The following CDKL5 variants were observed in gnomAD, a reference collection of about 807,000 sequenced individuals.
The protein encoded by CDKL5 is cyclin-dependent kinase-like 5.
A neutral mutation model predicts 61.7 loss-of-function variants in CDKL5; 8 were observed. The observed-to-expected ratio is 0.13, with a 90% CI of 0.08 to 0.23. The LOEUF is 0.23. CDKL5 is among the 10% of genes least tolerant of loss of function. The pLI, the probability that CDKL5 is intolerant of heterozygous loss-of-function variation, is 1.00. For synonymous variants in CDKL5, 275 were observed against 272.3 expected (o/e 1.01, Z -0.10); for missense variants, 440 against 734.5 (o/e 0.60, Z 4.63).
At position 18,647,296 on chromosome X, in the gene CDKL5, C is replaced by A. The variant is rs104894933; in HGVS notation, c.2797+1206C>A. 1.7e-6 allele frequency: 2 copies of A among 1,208,964 alleles called. No homozygotes were observed. On this transcript the variant is annotated intron_variant, in intron 20 of 21. Transcript: ENST00000379989. ...GGTGATCTGGTCCGGTGTGACCTCC[C>A]CTGACTCGAAACCCAGAGGCTTGTG...
At chrX:18,493,467 G>A (rs1405085890) in intron 1 of CDKL5, among the ~76,000 whole-genome samples, 1 of 112,184 alleles carries the variant, frequency 8.9e-6, no homozygotes, top group East Asian at 2.8e-4. Flanking sequence ...TTTGCTCTTG[G>A]CCAGTCTTTG....
chrX:18,431,161 C>T (rs73191516), intron 1 of CDKL5, among the ~76,000 whole-genome samples: 2,720 of 111,252 alleles, frequency 0.024, 36 homozygotes, highest in Non-Finnish European at 0.042. Flanking sequence ...CCGCACCTGG[C>T]GGTGATTTTT....
intron 1 of CDKL5, among the ~76,000 whole-genome samples, chrX:18,474,323 A>G (rs912119437): frequency 3.6e-5 from 4 of 111,535 alleles, no homozygotes; most frequent in Non-Finnish European, 7.5e-5. Flanking sequence ...AGGGTATGGT[A>G]TGTGTTGATT....
intron 4 of CDKL5, among the ~76,000 whole-genome samples, chrX:18,565,883 A>G (rs971424714): frequency 3.6e-5 from 4 of 112,138 alleles, no homozygotes; most frequent in Non-Finnish European, 5.6e-5. Context: ...GTGGTCTAGC[A>G]GGAAGCAGTA....
rs1318786633 is a variant in CDKL5, at chrX:18,460,099, C to G, written c.-163+34404C>G. On this transcript the variant is annotated intron_variant, in intron 1 of 17. Transcript: ENST00000623535. ...TATTTTTAGTAGAGATGGGGCTTCACCATGTTGGCCAGGATGGTCTCGATC... is the reference window on the plus strand; with the variant it reads ...TATTTTTAGTAGAGATGGGGCTTCAGCATGTTGGCCAGGATGGTCTCGATC... Among the ~76,000 whole-genome samples the G allele has an allele frequency of 5.4e-5, 6 of 110,788 alleles. No individual in the cohort carries two copies. The East Asian group carries it at 1.7e-3, about 32-fold the overall frequency.
rs1187909538 is a variant in CDKL5 at position 18,611,397 on chromosome X, T to C, written c.2153-1755T>C. On this transcript the variant is annotated intron_variant, in intron 14 of 17. Coordinates refer to ENST00000623535, the MANE Select transcript of CDKL5 (RefSeq NM_001323289.2). ...TTGCAGTGAGCCAAAACCGCGCCAC[T>C]GCACCCCAGCCTAGGCGACAGAGCA... Among the ~76,000 whole-genome samples the C allele has an allele frequency of 2.9e-5, 3 of 102,318 alleles. No homozygotes were observed. The East Asian group carries it at 9.1e-4, about 31-fold the overall frequency. The allele number at this position is 102,318 out of a possible 115,157, so 88.9% of individuals were successfully genotyped here. A position where few individuals can be genotyped will look rare whatever the true frequency, so the allele number is the denominator to read the frequency against.
intron 15 of CDKL5, among the ~76,000 whole-genome samples, chrX:18,619,200 G>A (rs1440755448): frequency 6.1e-4 from 55 of 90,201 alleles, no homozygotes; most frequent in Non-Finnish European, 1.0e-3. Context: ...TTGCCGTGTT[G>A]CCCACACTGG....
intron 1 of CDKL5, among the ~76,000 whole-genome samples, chrX:18,494,123 C>A (rs994143631): frequency 1.8e-5 from 2 of 112,353 alleles, no homozygotes; most frequent in Admixed American, 1.9e-4. Context: ...GCCATGTTGC[C>A]CAGGCTGGTC....
intron 1 of CDKL5, among the ~76,000 whole-genome samples, chrX:18,478,979 G>A (rs1420188619): frequency 3.6e-5 from 4 of 111,269 alleles, no homozygotes; most frequent in Non-Finnish European, 7.5e-5. Flanking sequence ...GCCTCCCAAA[G>A]TGCTGGTATT....
intron 10 of CDKL5, among the ~76,000 whole-genome samples, chrX:18,597,367 A>T (rs1926029967): frequency 9.1e-6 from 1 of 109,993 alleles, no homozygotes; most frequent in Non-Finnish European, 1.9e-5. Flanking sequence ...TGGCCATCTC[A>T]TCCTGTCAGC....
chrX:18,504,272 G>GT lies in CDKL5; in HGVS notation c.-162-2655dup, dbSNP rs780784507. Among the ~76,000 whole-genome samples the GT allele has an allele frequency of 3.9e-3, 430 of 109,520 alleles. 2 individuals are homozygous for GT. The Middle Eastern group carries it at 0.057, about 14-fold the overall frequency. On this transcript the variant is annotated intron_variant, in intron 1 of 17. Transcript: ENST00000623535. ...GGCTAGGTTTTTTTTGTTTTTGTTT[G>GT]TTTTTTTTGTTTTTGTAGAGACTGG...
intron 2 of CDKL5, among the ~76,000 whole-genome samples, chrX:18,509,236 CACACACA>C (rs1922730818): frequency 1.9e-5 from 2 of 107,594 alleles, no homozygotes; most frequent in South Asian, 4.1e-4. Context: ...CACACACACA[CACACACA>C]CACCCCTGTC....
chrX:18,507,058 C>T lies in CDKL5; in HGVS notation c.-39C>T. ...GCTTTCTGAGAAGTTCTTTTGGTGC[C>T]ATGTTTTGTGGCTTGCATCAAAAGA... is the stretch of plus-strand genomic sequence containing the variant. On this transcript the variant is annotated 5_prime_UTR_variant, in exon 2 of 18. Transcript: ENST00000623535. 9.8e-7 allele frequency: 1 copy of T among 1,020,222 alleles called. No individual in the cohort carries two copies. Among genetic ancestry groups the T allele is most frequent in the Non-Finnish European group, 1.4e-6 (1 of 721,328 alleles). The allele number at this position is 1,020,222 out of a possible 1,213,427, so 84.1% of individuals were successfully genotyped here.
chrX:18,490,753 T>C (rs767341763), intron 1 of CDKL5, among the ~76,000 whole-genome samples: 2 of 112,161 alleles, frequency 1.8e-5, no homozygotes, highest in African/African-American at 6.5e-5. Flanking sequence ...TTGCTTGTAT[T>C]TTTGACTATT....
intron 11 of CDKL5, among the ~76,000 whole-genome samples, chrX:18,599,745 G>A (rs1157932663): frequency 8.9e-6 from 1 of 112,485 alleles, no homozygotes; most frequent in Non-Finnish European, 1.9e-5. Flanking sequence ...ATGAGCCATA[G>A]CATCTGGCTG....
intron 1 of CDKL5, among the ~76,000 whole-genome samples, chrX:18,448,436 C>T (rs1240767088): frequency 8.9e-6 from 1 of 112,045 alleles, no homozygotes; most frequent in African/African-American, 3.2e-5. Flanking sequence ...CTGCCTCATA[C>T]GCTATGCTCC....
intron 3 of CDKL5, among the ~76,000 whole-genome samples, chrX:18,527,766 C>T (rs1438553637): frequency 9.0e-6 from 1 of 110,755 alleles, no homozygotes; most frequent in East Asian, 2.8e-4. Flanking sequence ...CTTAAGTTGC[C>T]CTTCTTTCTT....
downstream of CDKL5, chrX:18,641,809 T>TG (rs1049381209): frequency 3.4e-5 from 15 of 437,391 alleles, no homozygotes; most frequent in Admixed American, 6.1e-4. Flanking sequence ...TGGCCCTGAG[T>TG]GGGGAATAAG....
At chrX:18,516,492 T>G (rs1923024013) in intron 3 of CDKL5, among the ~76,000 whole-genome samples, 1 of 110,460 alleles carries the variant, frequency 9.1e-6, no homozygotes, top group Admixed American at 9.8e-5. Context: ...TATTTTAATA[T>G]TTTGTATTTG....
Sources: allele counts gnomAD v4.1 joint callset (sites outside exome capture counted in the v4.1 genomes callset), GRCh38; gene constraint gnomAD v4.1.1; transcripts MANE v1.5; gene names NCBI Gene and HGNC (gene_info 2026-07-23, HGNC 2026-07-21).